The following KAT6B variants were observed in gnomAD, a reference collection of about 807,000 sequenced individuals.
KAT6B encodes histone acetyltransferase KAT6B.
Under a neutral mutation model 187.5 loss-of-function variants are expected in KAT6B, and 10 were observed. The ratio of observed to expected loss-of-function variants is 0.05; its 90% CI spans 0.03 to 0.09. The LOEUF is 0.09. KAT6B is among the 10% of genes least tolerant of loss of function. The probability of loss-of-function intolerance (pLI) is 1.00; values close to 1 mark genes in which losing one functional copy is unlikely to be tolerated. For missense variants in KAT6B, 1,952 were observed against 2,558.9 expected, an observed-to-expected ratio of 0.76 and a Z score of 5.12; for synonymous variants, 861 against 926.8, an observed-to-expected ratio of 0.93 and a Z score of 1.29.
At chr10:74,979,091 G>GT in intron 9 of KAT6B, 133 bp from the exon 10 acceptor site, 1 of 690,784 alleles carries the variant, frequency 1.4e-6, no homozygotes, top group Non-Finnish European at 2.6e-6. Flanking sequence ...GGTCTATAGT[G>GT]TTTTAAGGCC....
intron 3 of KAT6B, among the ~76,000 whole-genome samples, chr10:74,850,674 CTCATTAAAAGTAGTAAAGCTCAATT>C (rs1842422321): frequency 6.6e-6 from 1 of 152,176 alleles, no homozygotes; most frequent in Non-Finnish European, 1.5e-5. Flanking sequence ...ATTAATGTTT[CTCATTAAAAGTAGTAAAGCTCAATT>C]AGGTCAGATT....
intron 13 of KAT6B, among the ~76,000 whole-genome samples, chr10:75,013,578 A>C (rs1473060155): frequency 3.9e-5 from 6 of 151,978 alleles, no homozygotes; most frequent in East Asian, 1.9e-4. Context: ...TCCAAATTTT[A>C]TTTCTTTCCC....
Position 74,976,189 on chromosome 10 carries a change from G to A in KAT6B, c.1852G>A (p.Ala618Thr). ...TAGAGGAAGTATTTTTAAAGCAATTGCTCACTTCAAGCGAACAACTTTCCT... is the reference window on the plus strand; with the variant it reads ...TAGAGGAAGTATTTTTAAAGCAATTACTCACTTCAAGCGAACAACTTTCCT... ...MARGSIFKAIAHFKRTTFLKK... is the reference protein window; with the variant it reads ...MARGSIFKAITHFKRTTFLKK... Residue 618 changes from alanine to threonine, a missense_variant, in exon 8 of 18, where the codon GCT becomes ACT. Around this residue, in one of 9 missense-constraint regions of KAT6B, gnomAD observed 417 missense variants for 508.9 expected, o/e 0.82. Transcript: ENST00000287239. 1.2e-6 allele frequency: 2 copies of A among 1,614,126 alleles called. No homozygotes were observed. Among genetic ancestry groups the A allele is most frequent in the East Asian group, 2.2e-5 (1 of 44,886 alleles).
chr10:74,903,253 A>G (rs999346031), intron 3 of KAT6B, among the ~76,000 whole-genome samples: 1 of 152,102 alleles, frequency 6.6e-6, no homozygotes, highest in African/African-American at 2.4e-5. Context: ...TGCCCTTTGT[A>G]TTATATCTTC....
intron 3 of KAT6B, among the ~76,000 whole-genome samples, chr10:74,916,547 C>T (rs1165263888): frequency 1.3e-5 from 2 of 152,138 alleles, no homozygotes; most frequent in Non-Finnish European, 2.9e-5. Flanking sequence ...TTTTATATTA[C>T]CCAGAGAATG....
Position 74,976,145 on chromosome 10 carries a change from C to T in KAT6B, c.1808C>T (p.Ser603Phe). The T allele has an allele frequency of 6.2e-7, 1 of 1,614,218 alleles. No individual in the cohort carries two copies. Among genetic ancestry groups the T allele is most frequent in the South Asian group, 1.1e-5 (1 of 91,080 alleles). ...IRSRFISHSS[S>F]SSWGMARGSI... ...AGTCGGTTTATTTCTCACTCCTCCT[C>T]CTCTAGCTGGGGGATGGCTAGAGGA... The change falls in exon 8 of 18, where the codon TCC becomes TTC. Residue 603 changes from serine (S) to phenylalanine (F), a missense_variant. Ser to Phe is a radical substitution (Grantham distance 155, BLOSUM62 -2). Coordinates refer to ENST00000287239, the MANE Select transcript of KAT6B (RefSeq NM_012330.4).
At chr10:74,946,596 A>G (rs1029633449) in intron 3 of KAT6B, among the ~76,000 whole-genome samples, 3 of 152,230 alleles carry the variant, frequency 2.0e-5, no homozygotes, top group East Asian at 3.8e-4. Context: ...GTGAATCTCA[A>G]AAATATTGTG....
rs774508465 is a variant in KAT6B at position 75,028,896 on chromosome 10, G to A, written c.4072G>A (p.Glu1358Lys). Residue 1358 changes from glutamate to lysine, a missense_variant, in exon 18 of 18, where the codon GAG becomes AAG. Glu to Lys is a moderately conservative substitution (Grantham distance 56). Around this residue, in one of 9 missense-constraint regions of KAT6B, gnomAD observed 758 missense variants for 891.4 expected, o/e 0.85. Transcript: ENST00000287239. Reference protein sequence around the residue: ...IKPEEEEEEEEEEEEEEEEEE... With the variant: ...IKPEEEEEEEKEEEEEEEEEE... Reference sequence around the variant, plus strand: ...ACCTGAGGAAGAGGAAGAGGAGGAGGAGGAGGAAGAGGAAGAAGAGGAAGA... The same window carrying A: ...ACCTGAGGAAGAGGAAGAGGAGGAGAAGGAGGAAGAGGAAGAAGAGGAAGA... 1.9e-6 allele frequency: 3 copies of A among 1,612,306 alleles called. No homozygotes were observed. The highest frequency in any genetic ancestry group is 2.2e-5 in the South Asian group (2 of 91,010).
Position 74,979,477 on chromosome 10 carries a change from A to T in KAT6B, c.2231+138A>T, listed in dbSNP as rs150535622. 426 of 708,592 alleles carry T rather than the reference A, an allele frequency of 6.0e-4. 2 individuals are homozygous for T. The African/African-American group carries it at 7.0e-3, about 12-fold the overall frequency. 43.9% of individuals were successfully genotyped at this position (708,592 alleles called of 1,614,324 possible). A position where few individuals can be genotyped will look rare whatever the true frequency, so the allele number is the denominator to read the frequency against. On this transcript the variant is annotated intron_variant, in intron 10 of 17. Coordinates refer to ENST00000287239, the MANE Select transcript of KAT6B (RefSeq NM_012330.4). ...GTCAATGCCAAGTGCTTCCCAAACT[A>T]TTGCTTTTGCCAGCACCTTTTTATG... is the stretch of plus-strand genomic sequence containing the variant.
intron 4 of KAT6B, among the ~76,000 whole-genome samples, chr10:74,965,629 T>C (rs563514440): frequency 1.3e-5 from 2 of 152,270 alleles, no homozygotes; most frequent in African/African-American, 2.4e-5. Flanking sequence ...TTTAATCTTA[T>C]AGTTGTAGGT....
At chr10:74,962,318 G>T (rs146454891) in intron 4 of KAT6B, among the ~76,000 whole-genome samples, 2 of 152,128 alleles carry the variant, frequency 1.3e-5, no homozygotes, top group African/African-American at 2.4e-5. Context: ...TGACACCTTG[G>T]TAATTCTAAG....
At chr10:74,995,644 G>A (rs565971658) in intron 13 of KAT6B, among the ~76,000 whole-genome samples, 38 of 152,166 alleles carry the variant, frequency 2.5e-4, no homozygotes, top group Non-Finnish European at 2.8e-4. Context: ...GTATATCCTG[G>A]AAATGACTTC....
upstream of KAT6B, among the ~76,000 whole-genome samples, chr10:74,825,908 C>T (rs1212956116): frequency 1.4e-5 from 2 of 147,286 alleles, no homozygotes; most frequent in Non-Finnish European, 3.0e-5. The surrounding 1 kb of genome is among the most constrained non-coding windows in gnomAD (Gnocchi z 5.0). Flanking sequence ...GGCGAGTAGT[C>T]GCCCGGGACG....
chr10:74,919,733 G>A (rs1847975416), intron 3 of KAT6B, among the ~76,000 whole-genome samples: 1 of 152,082 alleles, frequency 6.6e-6, no homozygotes, highest in South Asian at 2.1e-4. Context: ...CTCATTTTCA[G>A]TCTCCAATTA....
chr10:74,867,918 C>CA (rs1219667494), intron 3 of KAT6B, among the ~76,000 whole-genome samples: 2 of 152,042 alleles, frequency 1.3e-5, no homozygotes, highest in Non-Finnish European at 2.9e-5. Flanking sequence ...AGTGAATGAG[C>CA]AAAAATATTT....
chr10:74,909,665 G>C (rs1008691009), intron 3 of KAT6B, among the ~76,000 whole-genome samples: 2 of 152,162 alleles, frequency 1.3e-5, no homozygotes, highest in African/African-American at 4.8e-5. Context: ...TGAGAAGGGG[G>C]TTCTTTGGCA....
At chr10:74,866,611 A>T (rs1439864499) in intron 3 of KAT6B, among the ~76,000 whole-genome samples, 1 of 152,184 alleles carries the variant, frequency 6.6e-6, no homozygotes, top group Non-Finnish European at 1.5e-5. Context: ...AGTCTATATC[A>T]TTATTGTAAG....
In KAT6B at chr10:74,842,758, A is replaced by G. The variant is rs1454036720; in HGVS notation, c.-100A>G. ...TAATACAGTCTGGAATACTCTGTCC[A>G]TTTGTTGAATTGTAAATGACTTTCA... On this transcript the variant is annotated 5_prime_UTR_variant, in exon 3 of 18. Coordinates refer to ENST00000287239, the MANE Select transcript of KAT6B (RefSeq NM_012330.4). 5 of 1,286,328 alleles carry G rather than the reference A, an allele frequency of 3.9e-6. No individual in the cohort carries two copies. The highest frequency in any genetic ancestry group is 1.5e-5 in the African/African-American group (1 of 68,784). The allele number at this position is 1,286,328 out of a possible 1,614,324, so 79.7% of individuals were successfully genotyped here. A position where few individuals can be genotyped will look rare whatever the true frequency, so the allele number is the denominator to read the frequency against.
chr10:75,011,229 AAG>A (rs1455439907), intron 13 of KAT6B, among the ~76,000 whole-genome samples: 1 of 152,188 alleles, frequency 6.6e-6, no homozygotes, highest in Non-Finnish European at 1.5e-5. Flanking sequence ...GCCTATTTAT[AAG>A]AGAGGAAATA....
Sources: allele counts gnomAD v4.1 joint callset (sites outside exome capture counted in the v4.1 genomes callset), GRCh38; gene constraint gnomAD v4.1.1; regional missense constraint gnomAD v4.1.1; non-coding constraint Gnocchi (gnomAD v3.1); transcripts MANE v1.5; gene names NCBI Gene and HGNC (gene_info 2026-07-23, HGNC 2026-07-21).